Variants in ZBTB25 observed in about 807,000 individuals in gnomAD.
The protein encoded by ZBTB25 is zinc finger and BTB domain-containing protein 25.
In ZBTB25, 20 loss-of-function variants were observed where a neutral mutation model predicts 34.2. That is an observed-to-expected ratio of 0.58 (90% CI 0.41 to 0.85). The LOEUF is 0.85. Among genes scored for constraint, ZBTB25 ranks in the 40% least tolerant of loss-of-function variants. The pLI is 0.00. For missense variants in ZBTB25, 437 were observed against 521.8 expected (o/e 0.84, Z 1.58); for synonymous variants, 175 against 186.4 (o/e 0.94, Z 0.50).
intron 2 of ZBTB25, chr14:64,454,863 C>T (rs1483692853): frequency 2.5e-6 from 4 of 1,614,174 alleles, no homozygotes; most frequent in Non-Finnish European, 3.4e-6. Flanking sequence ...TTCTGTACCC[C>T]TTAGTAGGAA....
intron 1 of ZBTB25, among the ~76,000 whole-genome samples, chr14:64,499,288 T>A (rs1173093989): frequency 6.6e-6 from 1 of 152,068 alleles, no homozygotes. Context: ...ACAAAAGTGC[T>A]CCATGGCCAG....
downstream of ZBTB25, among the ~76,000 whole-genome samples, chr14:64,476,530 C>T (rs1243907668): frequency 1.3e-5 from 2 of 152,156 alleles, no homozygotes; most frequent in Non-Finnish European, 2.9e-5. Flanking sequence ...ACCATGTTGG[C>T]CAGACTGGTG....
In ZBTB25 at chr14:64,458,015, C is replaced by T. The variant is rs926605976; in HGVS notation, c.174-8377G>A. The T allele has an allele frequency of 4.5e-5, 28 of 615,814 alleles. 1 individual carries two copies. The Admixed American group carries it at 6.9e-4, about 15-fold the overall frequency. The allele number at this position is 615,814 out of a possible 1,614,324, so 38.1% of individuals were successfully genotyped here. On this transcript the variant is annotated intron_variant, in intron 2 of 2. Transcript: ENST00000555220. ...AAGCAATCCTCCTGCCTTAGCATCC[C>T]AAGTAGCTGGAACTACAGGCACATG...
Position 64,456,304 on chromosome 14 carries a change from A to G in ZBTB25, c.174-6666T>C, listed in dbSNP as rs535022557. Among the ~76,000 whole-genome samples the G allele has an allele frequency of 3.3e-5, 5 of 152,320 alleles. No individual in the cohort carries two copies. The South Asian group carries it at 1.0e-3, about 32-fold the overall frequency. Reference sequence around the variant, plus strand: ...TTTCCACACATGATCAAATGGTTTAATCACTATTCTAACACCTTCCAGTTG... The same window carrying G: ...TTTCCACACATGATCAAATGGTTTAGTCACTATTCTAACACCTTCCAGTTG... On this transcript the variant is annotated intron_variant, in intron 2 of 2. Transcript: ENST00000555220.
rs1021399884 is a variant in ZBTB25, at chr14:64,484,874, G to A, written c.*2049C>T. The stretch of plus-strand genomic sequence containing the variant: ...CTTCCAATGAGATGATATTTTTGAG[G>A]GCAGTACAAATTTCAATAGTTGCTT... On this transcript the variant is annotated 3_prime_UTR_variant, in exon 3 of 3. Transcript: ENST00000608382. The A allele has an allele frequency of 3.1e-6, 1 of 318,858 alleles. No individual in the cohort carries two copies. Among genetic ancestry groups the A allele is most frequent in the Non-Finnish European group, 4.5e-6 (1 of 220,810 alleles). 19.8% of individuals were successfully genotyped at this position (318,858 alleles called of 1,614,324 possible).
At chr14:64,463,830 T>C (rs2078582494) in intron 2 of ZBTB25, among the ~76,000 whole-genome samples, 1 of 152,114 alleles carries the variant, frequency 6.6e-6, no homozygotes, top group Admixed American at 6.6e-5. Context: ...ATCTTATTTT[T>C]TGCCTGAAAC....
rs535230129 is a variant in ZBTB25, at chr14:64,465,334, G to A, written c.174-15696C>T. The stretch of plus-strand genomic sequence containing the variant: ...GGCGGAGCACGATGGGCTTCCCCGC[G>A]GCAGGCAGGCAGGCTGCTGCTGCAG... On this transcript the variant is annotated intron_variant, in intron 2 of 2. Coordinates refer to the ZBTB25 transcript ENST00000555220. Among the ~76,000 whole-genome samples the A allele has an allele frequency of 1.6e-3, 239 of 152,002 alleles. 1 individual carries two copies. The highest frequency in any genetic ancestry group is 0.01 in the Middle Eastern group (3 of 292).
chr14:64,449,514 G>T, exon 3 of ZBTB25: 1 of 1,614,210 alleles, frequency 6.2e-7, no homozygotes. Flanking sequence ...TTGATGCCGT[G>T]AAGTGCACTC....
At chr14:64,466,347 T>G (rs2078613275) in intron 2 of ZBTB25, among the ~76,000 whole-genome samples, 1 of 152,200 alleles carries the variant, frequency 6.6e-6, no homozygotes, top group South Asian at 2.1e-4. Flanking sequence ...TTCTAGTATG[T>G]GAGATACATT....
intron 2 of ZBTB25, chr14:64,468,806 A>C: frequency 1.2e-6 from 2 of 1,614,218 alleles, no homozygotes; most frequent in Non-Finnish European, 1.7e-6. Context: ...AGGGCCAAAA[A>C]GGAGTAATCA....
In ZBTB25 at chr14:64,484,778, G is replaced by C. The variant is rs973258662; in HGVS notation, c.*2145C>G. 1 of 154,208 alleles carries C rather than the reference G, an allele frequency of 6.5e-6. No homozygotes were observed. The highest frequency in any genetic ancestry group is 2.4e-5 in the African/African-American group (1 of 41,472). 9.6% of individuals were successfully genotyped at this position (154,208 alleles called of 1,614,324 possible). ...TATCTTAATAAGAACAATAGAATTT[G>C]AATTGAAGAAGGCTAGGAAATATAT... is the stretch of plus-strand genomic sequence containing the variant. On this transcript the variant is annotated 3_prime_UTR_variant, in exon 3 of 3. Coordinates refer to ENST00000608382, the MANE Select transcript of ZBTB25 (RefSeq NM_006977.5).
intron 1 of ZBTB25, among the ~76,000 whole-genome samples, chr14:64,493,560 T>G (rs897374636): frequency 2.6e-5 from 4 of 152,134 alleles, no homozygotes; most frequent in African/African-American, 7.2e-5. Flanking sequence ...GGAGAAAGAC[T>G]GGCTAGGAGC....
chr14:64,504,286 C>T (rs944427435), upstream of ZBTB25, among the ~76,000 whole-genome samples: 1 of 151,896 alleles, frequency 6.6e-6, no homozygotes, highest in Non-Finnish European at 1.5e-5. Context: ...ACTGGGCGAC[C>T]CTGAACCGAC....
At position 64,487,464 on chromosome 14, in the gene ZBTB25, T is replaced by C; in HGVS notation, c.767A>G (p.His256Arg). The stretch of plus-strand genomic sequence containing the variant: ...GGATCCAGACACATGTGTATGGAGA[T>C]GTTGCCTTAGGTTACTACGGGAATC... ...RFDSRSNLRQ[H>R]LHTHVSGSLP... is the part of the protein sequence containing the mutation. The change falls in exon 3 of 3, where the codon CAT becomes CGT. Residue 256 changes from histidine to arginine, a missense_variant. By Grantham distance (29) the His-to-Arg change is conservative. Coordinates refer to ENST00000608382, the MANE Select transcript of ZBTB25 (RefSeq NM_006977.5). 2 of 1,614,176 alleles carry C rather than the reference T, an allele frequency of 1.2e-6. No homozygotes were observed. Among genetic ancestry groups the C allele is most frequent in the Non-Finnish European group, 1.7e-6 (2 of 1,180,022 alleles).
At chr14:64,495,577 A>G (rs28730549) in intron 1 of ZBTB25, among the ~76,000 whole-genome samples, 41,146 of 152,174 alleles carry the variant, frequency 0.27, 5,999 homozygotes, top group Non-Finnish European at 0.34. Context: ...CCATAAAAAC[A>G]GAAGCTTATT....
intron 2 of ZBTB25, 102 bp downstream of exon 2, chr14:64,490,259 C>G: frequency 2.6e-5 from 11 of 431,158 alleles, no homozygotes; most frequent in Non-Finnish European, 3.3e-5. Context: ...AATTTTACTT[C>G]TTAGTGTGAC....
chr14:64,454,162 G>C (rs954508444), intron 2 of ZBTB25, among the ~76,000 whole-genome samples: 1 of 152,194 alleles, frequency 6.6e-6, no homozygotes. Context: ...GCCCAGGCTA[G>C]AGTGCAGTGG....
At chr14:64,469,518 CTAA>C (rs1355869408) in intron 2 of ZBTB25, 1 of 1,613,490 alleles carries the variant, frequency 6.2e-7, no homozygotes, top group African/African-American at 1.3e-5. Context: ...GGGGTTTTTG[CTAA>C]TGATAATGGT....
chr14:64,505,150 C>T (rs911020176), upstream of ZBTB25: 10 of 337,266 alleles, frequency 3.0e-5, no homozygotes, highest in Admixed American at 4.9e-5. Flanking sequence ...CCCGGGCGTG[C>T]GGCCTCCCTG....
Sources: gnomAD v4.1 joint callset for allele counts (sites outside exome capture counted in the v4.1 genomes callset) on GRCh38, gnomAD v4.1.1 for gene constraint, MANE v1.5 for transcripts, NCBI Gene and HGNC (gene_info 2026-07-23, HGNC 2026-07-21) for gene names.